NXPH1: variants seen among roughly 807,000 people sequenced by gnomAD.
NXPH1 encodes the protein neurexophilin-1.
In NXPH1, 5 loss-of-function variants were observed where a neutral mutation model predicts 23.7. That is an observed-to-expected ratio of 0.21 (90% CI 0.11 to 0.44). The LOEUF is 0.44. Ranked by LOEUF, NXPH1 falls within the 20% of genes least tolerant of loss-of-function variation. NXPH1 has a pLI of 0.99. For missense variants in NXPH1, 324 were observed against 321.6 expected, an observed-to-expected ratio of 1.01 and a Z score of -0.06; for synonymous variants, 144 against 122.2, an observed-to-expected ratio of 1.18 and a Z score of -1.18.
At chr7:8,492,019 C>T (rs1167098887) in intron 2 of NXPH1, among the ~76,000 whole-genome samples, 2 of 151,998 alleles carry the variant, frequency 1.3e-5, no homozygotes, top group African/African-American at 4.8e-5. Flanking sequence ...ATTTATGCCA[C>T]TTACCTCCAG....
intron 2 of NXPH1, among the ~76,000 whole-genome samples, chr7:8,665,764 T>C (rs1184531290): frequency 7.1e-6 from 1 of 140,282 alleles, no homozygotes; most frequent in East Asian, 2.2e-4. Flanking sequence ...TTTTATTTTT[T>C]GGTAGCTATT....
chr7:8,499,413 G>T (rs2128612287), intron 2 of NXPH1, among the ~76,000 whole-genome samples: 1 of 152,090 alleles, frequency 6.6e-6, no homozygotes, highest in Middle Eastern at 3.4e-3. Context: ...TGTAATAAGG[G>T]CCCTGATACA....
chr7:8,467,295 CTG>C (rs1172579276), intron 2 of NXPH1, among the ~76,000 whole-genome samples: 2 of 152,246 alleles, frequency 1.3e-5, no homozygotes, highest in Admixed American at 6.5e-5. Flanking sequence ...TAGCTAAAGA[CTG>C]TGAAATGAGG....
intron 2 of NXPH1, among the ~76,000 whole-genome samples, chr7:8,579,106 G>T (rs80026829): frequency 6.6e-6 from 1 of 152,180 alleles, no homozygotes; most frequent in Non-Finnish European, 1.5e-5. Context: ...AACGTGAAGT[G>T]CAAGGCTGCG....
At chr7:8,677,153 A>T (rs1223549700) in intron 2 of NXPH1, among the ~76,000 whole-genome samples, 1 of 152,210 alleles carries the variant, frequency 6.6e-6, no homozygotes, top group Non-Finnish European at 1.5e-5. Flanking sequence ...TCTGGTATTG[A>T]GACCTAAGGA....
chr7:8,519,809 T>C (rs576993025), intron 2 of NXPH1, among the ~76,000 whole-genome samples: 3 of 152,092 alleles, frequency 2.0e-5, no homozygotes, highest in South Asian at 2.1e-4. Flanking sequence ...AAGAAAAAAA[T>C]ATATATACAC....
chr7:8,458,901 C>A (rs1399575965), intron 2 of NXPH1, among the ~76,000 whole-genome samples: 1 of 152,112 alleles, frequency 6.6e-6, no homozygotes, highest in Non-Finnish European at 1.5e-5. Context: ...AAGATCCCTC[C>A]TGGCATGGAA....
chr7:8,679,217 G>A (rs1386806361), intron 2 of NXPH1, among the ~76,000 whole-genome samples: 1 of 152,004 alleles, frequency 6.6e-6, no homozygotes, highest in Non-Finnish European at 1.5e-5. Context: ...AAAGTGCTGA[G>A]ATTACAGGTG....
intron 2 of NXPH1, among the ~76,000 whole-genome samples, chr7:8,589,079 G>T (rs779957714): frequency 2.0e-5 from 3 of 152,068 alleles, no homozygotes; most frequent in Non-Finnish European, 4.4e-5. Context: ...GTGCAATAAA[G>T]TTTGCCTGCT....
At chr7:8,581,519 G>C (rs1818872054) in intron 2 of NXPH1, among the ~76,000 whole-genome samples, 1 of 152,088 alleles carries the variant, frequency 6.6e-6, no homozygotes, top group Admixed American at 6.6e-5. Context: ...GAACAGCAAG[G>C]GGAAAATCTG....
intron 2 of NXPH1, among the ~76,000 whole-genome samples, chr7:8,477,441 T>G (rs527789673): frequency 6.6e-6 from 1 of 152,238 alleles, no homozygotes; most frequent in South Asian, 2.1e-4. Flanking sequence ...AACATACATT[T>G]TGTGGACATG....
At chr7:8,488,233 T>C (rs1817190678) in intron 2 of NXPH1, among the ~76,000 whole-genome samples, 1 of 152,086 alleles carries the variant, frequency 6.6e-6, no homozygotes, top group African/African-American at 2.4e-5. Context: ...ATGGGACACA[T>C]ACTATATCTT....
At chr7:8,695,571 CT>C (rs60497092) in intron 2 of NXPH1, among the ~76,000 whole-genome samples, 8,934 of 152,164 alleles carry the variant, frequency 0.059, 493 homozygotes, top group East Asian at 0.18. Flanking sequence ...CCTTTACCTT[CT>C]ACTTTTCTAT....
At chr7:8,682,058 G>A (rs1233925150) in intron 2 of NXPH1, among the ~76,000 whole-genome samples, 1 of 152,214 alleles carries the variant, frequency 6.6e-6, no homozygotes, top group Non-Finnish European at 1.5e-5. Flanking sequence ...CAGTGGAAGG[G>A]TCTGAATGGG....
chr7:8,638,172 G>T (rs951334611), intron 2 of NXPH1, among the ~76,000 whole-genome samples: 1 of 152,172 alleles, frequency 6.6e-6, no homozygotes, highest in African/African-American at 2.4e-5. Flanking sequence ...ACACGAGCTA[G>T]GAAAACAAAG....
chr7:8,594,840 T>G (rs965344952), intron 2 of NXPH1, among the ~76,000 whole-genome samples: 1 of 152,062 alleles, frequency 6.6e-6, no homozygotes, highest in Admixed American at 6.6e-5. Context: ...ATTATTGTCT[T>G]GTGTAGGCTC....
At chr7:8,594,632 AG>A (rs1470207737) in intron 2 of NXPH1, among the ~76,000 whole-genome samples, 1 of 151,784 alleles carries the variant, frequency 6.6e-6, no homozygotes, top group African/African-American at 2.4e-5. Context: ...AAATGATATG[AG>A]GACTTGGGGG....
At chr7:8,742,356 A>G (rs541235120) in intron 2 of NXPH1, among the ~76,000 whole-genome samples, 3 of 152,294 alleles carry the variant, frequency 2.0e-5, no homozygotes, top group Admixed American at 6.5e-5. Context: ...TAAAATAGTA[A>G]CTATGTAACC....
intron 2 of NXPH1, among the ~76,000 whole-genome samples, chr7:8,517,639 A>G (rs147636678): frequency 6.6e-6 from 1 of 152,248 alleles, no homozygotes; most frequent in African/African-American, 2.4e-5. Context: ...GCACTGGATT[A>G]CTGAGCCCTC....
Sources: allele counts gnomAD v4.1 joint callset (sites outside exome capture counted in the v4.1 genomes callset), GRCh38; gene constraint gnomAD v4.1.1; transcripts MANE v1.5; gene names NCBI Gene and HGNC (gene_info 2026-07-23, HGNC 2026-07-21).